The following WDR81 variants were observed in gnomAD, a reference collection of about 807,000 sequenced individuals.
The protein encoded by WDR81 is WD repeat domain 81, also known as WD repeat-containing protein 81.
WDR81 carries 92 observed loss-of-function variants against 140.8 expected under a neutral mutation model. That is an observed-to-expected ratio of 0.65 (90% confidence interval 0.55 to 0.78). The LOEUF is 0.78. Among genes scored for constraint, WDR81 ranks in the 30% least tolerant of loss-of-function variants. The probability of loss-of-function intolerance (pLI) is 0.00; values close to 1 mark genes in which losing one functional copy is unlikely to be tolerated. For synonymous variants in WDR81, 1,183 were observed against 1,156.4 expected (o/e 1.02, Z -0.47); for missense variants, 2,502 against 2,636.4 (o/e 0.95, Z 1.12).
At chr17:1,723,455 ATTTTTATTTATTTATT>A (rs1222591137), upstream of WDR81, among the ~76,000 whole-genome samples, 5 of 113,770 alleles carry the variant, frequency 4.4e-5, no homozygotes, top group African/African-American at 1.6e-4. Context: ...TTATTTATTT[ATTTTTATTTATTTATT>A]TATTTATTTA....
Position 1,725,005 on chromosome 17 carries a change from G to A in WDR81, c.46G>A (p.Ala16Thr). 1 of 1,470,352 alleles carries A rather than the reference G, an allele frequency of 6.8e-7. No homozygotes were observed. Among genetic ancestry groups the A allele is most frequent in the South Asian group, 1.4e-5 (1 of 72,344 alleles). The allele number at this position is 1,470,352 out of a possible 1,614,324, so 91.1% of individuals were successfully genotyped here. A position where few individuals can be genotyped will look rare whatever the true frequency, so the allele number is the denominator to read the frequency against. Residue 16 changes from alanine (A) to threonine (T), a missense_variant, in exon 1 of 10, where the codon GCC becomes ACC. Physicochemically the swap from Ala to Thr is moderately conservative, Grantham distance 58. Around this residue, in one of 3 missense-constraint regions of WDR81, gnomAD observed 547 missense variants for 513.8 expected, o/e 1.06. Coordinates refer to ENST00000409644, the MANE Select transcript of WDR81 (RefSeq NM_001163809.2). ...GGREGALRTP[A>T]GGWHSPPSPD... ...GCGGGAAGGCGCTCTCAGAACCCCGGCCGGGGGCTGGCATTCCCCGCCAAG... is the reference window on the plus strand; with the variant it reads ...GCGGGAAGGCGCTCTCAGAACCCCGACCGGGGGCTGGCATTCCCCGCCAAG...
rs560817864 is a variant in WDR81 at position 1,735,105 on chromosome 17, G to A, written c.5180-467G>A. On this transcript the variant is annotated intron_variant, in intron 7 of 9. Coordinates refer to ENST00000409644, the MANE Select transcript of WDR81 (RefSeq NM_001163809.2). This position sits in a 1 kb window ranked among gnomAD's most constrained non-coding sequence, Gnocchi z 4.2. ...AGGCCAGGAGTTGGAGACCAGACTG[G>A]CTGACATGGTGAAACCCCATCTCTA... Among the ~76,000 whole-genome samples, 356 of 152,108 alleles carry A rather than the reference G, an allele frequency of 2.3e-3. 1 individual carries two copies. The highest frequency in any genetic ancestry group is 8.2e-3 in the African/African-American group (340 of 41,480).
chr17:1,725,552 G>T lies in WDR81; in HGVS notation c.593G>T (p.Cys198Phe). ...SFLPVGETTQ[C>F]PSYAREGPCP... ...CTGCCAGTGGGTGAAACTACCCAAT[G>T]CCCTTCATATGCCAGAGAAGGCCCC... The change falls in exon 1 of 10, where the codon TGC becomes TTC. Residue 198 changes from cysteine to phenylalanine, a missense_variant. By Grantham distance (205) the Cys-to-Phe change is radical. Transcript: ENST00000409644. 6.5e-7 allele frequency: 1 copy of T among 1,545,108 alleles called. No individual in the cohort carries two copies.
chr17:1,733,230 TATC>T lies in WDR81; in HGVS notation c.4490-293_4490-291del, dbSNP rs559018981. 2.3e-3 allele frequency among the ~76,000 whole-genome samples: 350 copies of T among 152,226 alleles called. 1 individual carries two copies. Among genetic ancestry groups the T allele is most frequent in the Admixed American group, 4.5e-3 (69 of 15,306 alleles). ...CAGACAGCCTTGTGGTTACACCTGT[TATC>T]ATCCTGCCACTGAAATCTAAGCTTG... On this transcript the variant is annotated intron_variant, in intron 6 of 9. Coordinates refer to ENST00000409644, the MANE Select transcript of WDR81 (RefSeq NM_001163809.2).
At chr17:1,730,598 C>A (rs1033683569) in intron 2 of WDR81, 111 bp downstream of exon 2, 2 of 1,406,752 alleles carry the variant, frequency 1.4e-6, no homozygotes, top group African/African-American at 1.4e-5. Flanking sequence ...AACCACCCCC[C>A]GGCCAGGTGC....
rs1404091596 is a variant in WDR81 at position 1,727,697 on chromosome 17, T to C, written c.2738T>C (p.Leu913Pro). The change falls in exon 1 of 10, where the codon CTG becomes CCG. Residue 913 changes from leucine (L) to proline (P), a missense_variant. Around this residue, in one of 3 missense-constraint regions of WDR81, gnomAD observed 1,737 missense variants for 1,843.0 expected, o/e 0.94. Coordinates refer to ENST00000409644, the MANE Select transcript of WDR81 (RefSeq NM_001163809.2). Reference protein sequence around the residue: ...FALWQQLGAVLKDITPEGLEI... With the variant: ...FALWQQLGAVPKDITPEGLEI... Reference sequence around the variant, plus strand: ...CTGTGGCAGCAGCTGGGCGCGGTGCTGAAGGACATCACCCCTGAGGGCCTG... The same window carrying C: ...CTGTGGCAGCAGCTGGGCGCGGTGCCGAAGGACATCACCCCTGAGGGCCTG... 1 of 1,550,518 alleles carries C rather than the reference T, an allele frequency of 6.4e-7. No homozygotes were observed.
Position 1,725,446 on chromosome 17 carries a change from A to G in WDR81, c.487A>G (p.Ser163Gly), listed in dbSNP as rs1033460417. The G allele has an allele frequency of 2.5e-5, 38 of 1,549,350 alleles. No homozygotes were observed. The African/African-American group carries it at 5.2e-4, about 21-fold the overall frequency. The change falls in exon 1 of 10, where the codon AGT becomes GGT. Residue 163 changes from serine (S) to glycine (G), a missense_variant. Around this residue, in one of 3 missense-constraint regions of WDR81, gnomAD observed 547 missense variants for 513.8 expected, o/e 1.06. Coordinates refer to ENST00000409644, the MANE Select transcript of WDR81 (RefSeq NM_001163809.2). ...HAYHTYGQPY[S>G]HSPAPSAVPA... ...ATACCACACTTACGGCCAGCCGTACAGTCACAGCCCTGCCCCCTCAGCTGT... is the reference window on the plus strand; with the variant it reads ...ATACCACACTTACGGCCAGCCGTACGGTCACAGCCCTGCCCCCTCAGCTGT...
rs1567718529 is a variant in WDR81, at chr17:1,726,077, G to A, written c.1118G>A (p.Arg373Gln). 2 of 1,547,812 alleles carry A rather than the reference G, an allele frequency of 1.3e-6. No individual in the cohort carries two copies. Among genetic ancestry groups the A allele is most frequent in the Non-Finnish European group, 1.7e-6 (2 of 1,145,112 alleles). Reference protein sequence around the residue: ...LMQLNRLAGRRQGDPNYHPVL... With the variant: ...LMQLNRLAGRQQGDPNYHPVL... ...CAGCTGAATCGGTTGGCAGGTCGGCGGCAGGGGGACCCCAACTACCACCCC... is the reference window on the plus strand; with the variant it reads ...CAGCTGAATCGGTTGGCAGGTCGGCAGCAGGGGGACCCCAACTACCACCCC... Residue 373 changes from arginine to glutamine, a missense_variant, in exon 1 of 10, where the codon CGG (arginine) becomes CAG (glutamine). By Grantham distance (43) the Arg-to-Gln change is conservative. Around this residue, in one of 3 missense-constraint regions of WDR81, gnomAD observed 547 missense variants for 513.8 expected, o/e 1.06. Coordinates refer to ENST00000409644, the MANE Select transcript of WDR81 (RefSeq NM_001163809.2).
In WDR81 at chr17:1,735,803, G is replaced by A; in HGVS notation, c.5325+86G>A. ...GAGACTCCCCAAAAACAGAAAGCCA[G>A]GATGTTGTTCTGGGGCCCTAGTTAG... is the stretch of plus-strand genomic sequence containing the variant. On this transcript the variant is annotated intron_variant, in intron 8 of 9. Transcript: ENST00000409644. This position sits in a 1 kb window ranked among gnomAD's most constrained non-coding sequence, Gnocchi z 4.2. The A allele has an allele frequency of 1.3e-6, 2 of 1,513,194 alleles. No individual in the cohort carries two copies. Among genetic ancestry groups the A allele is most frequent in the South Asian group, 2.6e-5 (2 of 76,772 alleles). The allele number at this position is 1,513,194 out of a possible 1,614,324, so 93.7% of individuals were successfully genotyped here.
chr17:1,733,833 A>G lies in WDR81; in HGVS notation c.4796A>G (p.Asp1599Gly). 1 of 1,612,536 alleles carries G rather than the reference A, an allele frequency of 6.2e-7. No homozygotes were observed. The change falls in exon 7 of 10, where the codon GAC becomes GGC. Residue 1599 changes from aspartate to glycine, a missense_variant. Asp to Gly is a moderately conservative substitution (Grantham distance 94, BLOSUM62 -1). This residue lies in a region of WDR81 where 1,737 missense variants were observed against 1,843.0 expected (regional missense o/e 0.94). Transcript: ENST00000409644. ...GGGGGCCTGGGCAGCGGGAGCGACGACAACGCCCTGAAGCAGGAGCTGCCG... is the reference window on the plus strand; with the variant it reads ...GGGGGCCTGGGCAGCGGGAGCGACGGCAACGCCCTGAAGCAGGAGCTGCCG... Reference protein sequence around the residue: ...GGGGLGSGSDDNALKQELPRS... With the variant: ...GGGGLGSGSDGNALKQELPRS...
Position 1,734,120 on chromosome 17 carries a change from C to G in WDR81, c.5083C>G (p.Gln1695Glu), listed in dbSNP as rs141303851. ...SETAPRLVYT[Q>E]HRKSVFFVGQ... ...GACGGCCCCACGCCTCGTCTACACC[C>G]AGCACCGCAAGAGCGTCTTCTTCGT... Residue 1695 changes from glutamine (Q) to glutamate (E), a missense_variant, in exon 7 of 10, where the codon CAG becomes GAG. Gln to Glu is a conservative substitution (Grantham distance 29). Coordinates refer to ENST00000409644, the MANE Select transcript of WDR81 (RefSeq NM_001163809.2). 4.2e-4 allele frequency: 674 copies of G among 1,600,698 alleles called. 13 individuals are homozygous for G. In the East Asian group the frequency reaches 0.015, roughly 35 times the overall value.
At chr17:1,718,328 G>C (rs1006637436) in intron 1 of WDR81, among the ~76,000 whole-genome samples, 3 of 152,202 alleles carry the variant, frequency 2.0e-5, no homozygotes, top group Non-Finnish European at 2.9e-5. Flanking sequence ...ATGTGGGCCA[G>C]GCTGGTCTCG....
At position 1,726,341 on chromosome 17, in the gene WDR81, C is replaced by G. The variant is rs776179523; in HGVS notation, c.1382C>G (p.Ser461Trp). ...TACAAGGCTCGGCGCACGCCTCGGT[C>G]GGTGCTCTGCGGACACGTCCGCGCG... is the stretch of plus-strand genomic sequence containing the variant. ...YVYKARRTPR[S>W]VLCGHVRAQW... The change falls in exon 1 of 10, where the codon TCG becomes TGG. Residue 461 changes from serine (S) to tryptophan (W), a missense_variant. Ser to Trp is a radical substitution (Grantham distance 177, BLOSUM62 -3). This residue lies in a region of WDR81 where 218 missense variants were observed against 279.6 expected (regional missense o/e 0.78). Coordinates refer to ENST00000409644, the MANE Select transcript of WDR81 (RefSeq NM_001163809.2). 37 of 1,544,944 alleles carry G rather than the reference C, an allele frequency of 2.4e-5. No homozygotes were observed. The highest frequency in any genetic ancestry group is 3.1e-5 in the Non-Finnish European group (36 of 1,143,072).
At chr17:1,721,647 C>A (rs1914872798), upstream of WDR81, among the ~76,000 whole-genome samples, 1 of 150,954 alleles carries the variant, frequency 6.6e-6, no homozygotes, top group Non-Finnish European at 1.5e-5. Context: ...CATGGCAAAA[C>A]CTGGTTACTA....
rs142941707 is a variant in WDR81, at chr17:1,725,463, C to G, written c.504C>G (p.Pro168=). The change falls in exon 1 of 10, where the codon CCC becomes CCG. Residue 168 remains proline, a synonymous_variant. Coordinates refer to ENST00000409644, the MANE Select transcript of WDR81 (RefSeq NM_001163809.2). ...YGQPYSHSPA[P]SAVPALDSVR... Reference sequence around the variant, plus strand: ...AGCCGTACAGTCACAGCCCTGCCCCCTCAGCTGTCCCTGCCTTGGACTCAG... The same window carrying G: ...AGCCGTACAGTCACAGCCCTGCCCCGTCAGCTGTCCCTGCCTTGGACTCAG... 21 of 1,548,924 alleles carry G rather than the reference C, an allele frequency of 1.4e-5. No homozygotes were observed. In the African/African-American group the frequency reaches 2.2e-4, roughly 16 times the overall value.
rs746744392 is a variant in WDR81 at position 1,730,445 on chromosome 17, G to A, written c.3733G>A (p.Val1245Met). The A allele has an allele frequency of 7.4e-6, 12 of 1,613,192 alleles. No homozygotes were observed. Among genetic ancestry groups the A allele is most frequent in the South Asian group, 3.3e-5 (3 of 91,046 alleles). The change falls in exon 2 of 10, where the codon GTG becomes ATG. Residue 1245 changes from valine to methionine, a missense_variant. Around this residue, in one of 3 missense-constraint regions of WDR81, gnomAD observed 1,737 missense variants for 1,843.0 expected, o/e 0.94. Coordinates refer to ENST00000409644, the MANE Select transcript of WDR81 (RefSeq NM_001163809.2). ...CGGCCCCACAGTGGCCTCTCGCCAC[G>A]TGGCCCGGAACCTGCTCCGCCTGCT... ...KLGPTVASRH[V>M]ARNLLRLLTS...
Position 1,727,351 on chromosome 17 carries a change from G to A in WDR81, c.2392G>A (p.Val798Ile). The A allele has an allele frequency of 1.3e-6, 2 of 1,550,050 alleles. No homozygotes were observed. The highest frequency in any genetic ancestry group is 1.2e-5 in the South Asian group (1 of 84,068). ...RTLQPDAPLW[V>I]RFQAVRGLCT... ...GCTGCAGCCCGATGCACCTTTGTGG[G>A]TACGCTTCCAGGCTGTCCGAGGGCT... The change falls in exon 1 of 10, where the codon GTA becomes ATA. Residue 798 changes from valine to isoleucine, a missense_variant. By Grantham distance (29) the Val-to-Ile change is conservative. Around this residue, in one of 3 missense-constraint regions of WDR81, gnomAD observed 1,737 missense variants for 1,843.0 expected, o/e 0.94. Transcript: ENST00000409644.
chr17:1,735,512 C>T lies in WDR81; in HGVS notation c.5180-60C>T, dbSNP rs1904785942. 1 of 1,492,112 alleles carries T rather than the reference C, an allele frequency of 6.7e-7. No homozygotes were observed. Among genetic ancestry groups the T allele is most frequent in the Non-Finnish European group, 9.0e-7 (1 of 1,115,294 alleles). 92.4% of individuals were successfully genotyped at this position (1,492,112 alleles called of 1,614,324 possible). On this transcript the variant is annotated intron_variant, in intron 7 of 9. Transcript: ENST00000409644. The surrounding 1 kb of genome is among the most constrained non-coding windows in gnomAD (Gnocchi z 4.2). ...GTGCGGTGAGTTGGGGGATTAGAAG[C>T]TCCCAGGGCTCTTCCGTCAGCTGCT...
intron 1 of WDR81, chr17:1,717,123 A>T (rs1914612038): frequency 5.9e-6 from 1 of 168,384 alleles, no homozygotes; most frequent in African/African-American, 2.4e-5. Context: ...TCCTCTGATT[A>T]ACCCCCATTC....
Sources: gnomAD v4.1 joint callset for allele counts (sites outside exome capture counted in the v4.1 genomes callset) on GRCh38, gnomAD v4.1.1 for gene constraint, gnomAD v4.1.1 regional missense constraint, Gnocchi (gnomAD v3.1) non-coding constraint, MANE v1.5 for transcripts, NCBI Gene and HGNC (gene_info 2026-07-23, HGNC 2026-07-21) for gene names.